Variants in WWOX observed in about 807,000 individuals in gnomAD.
WWOX encodes the protein WW domain containing oxidoreductase, also known as WW domain-containing oxidoreductase.
Under a neutral mutation model 46.2 loss-of-function variants are expected in WWOX, and 69 were observed. That is an observed-to-expected ratio of 1.49 (90% CI 1.23 to 1.82). The LOEUF (loss-of-function observed/expected upper bound fraction) is 1.82, where lower values mean the gene tolerates loss of function less well. Ranked by LOEUF, WWOX falls within the 40% of genes most tolerant of loss-of-function variation. The pLI, the probability that WWOX is intolerant of heterozygous loss-of-function variation, is 0.00. For missense variants in WWOX, 919 were observed against 542.6 expected (o/e 1.69, Z -6.89); for synonymous variants, 359 against 202.6 (o/e 1.77, Z -6.56).
intron 8 of WWOX, among the ~76,000 whole-genome samples, chr16:78,627,643 G>A (rs1351891327): frequency 6.6e-6 from 1 of 152,210 alleles, no homozygotes; most frequent in East Asian, 1.9e-4. Flanking sequence ...GAATGAATGT[G>A]GACTGGGGAG....
intron 8 of WWOX, among the ~76,000 whole-genome samples, chr16:78,777,333 A>C (rs2050216210): frequency 6.6e-6 from 1 of 152,180 alleles, no homozygotes; most frequent in African/African-American, 2.4e-5. Flanking sequence ...GTTGTCCAGG[A>C]CAGTGGCCCC....
At chr16:78,113,598 G>T (rs1402596025) in intron 3 of WWOX, among the ~76,000 whole-genome samples, 2 of 152,108 alleles carry the variant, frequency 1.3e-5, no homozygotes, top group Non-Finnish European at 1.5e-5. Context: ...CTGTTGCAGT[G>T]GGGTGCTGGT....
rs1597193685 is a variant in WWOX at position 78,413,321 on chromosome 16, A to T, written c.606-11549A>T. Among the ~76,000 whole-genome samples, 4 of 152,316 alleles carry T rather than the reference A, an allele frequency of 2.6e-5. No homozygotes were observed. In the South Asian group the frequency reaches 8.3e-4, roughly 32 times the overall value. ...CCACCAAACAGGGTTTGTGTGAACAACAAGGCTGTTTATTTCACCTGGGTG... is the reference window on the plus strand; with the variant it reads ...CCACCAAACAGGGTTTGTGTGAACATCAAGGCTGTTTATTTCACCTGGGTG... On this transcript the variant is annotated intron_variant, in intron 6 of 8. Transcript: ENST00000566780.
rs535392503 is a variant in WWOX, at chr16:78,722,645, G to A, written c.1056+289893G>A. ...AGGTATAATGGAAAGACTAACAAGA[G>A]TAGAAGAGGGATGTAACTGGAGCAT... On this transcript the variant is annotated intron_variant, in intron 8 of 8. Coordinates refer to ENST00000566780, the MANE Select transcript of WWOX (RefSeq NM_016373.4). Among the ~76,000 whole-genome samples the A allele has an allele frequency of 2.9e-3, 435 of 150,822 alleles. 2 individuals carry two copies. The highest frequency in any genetic ancestry group is 0.01 in the African/African-American group (418 of 41,144).
chr16:79,031,863 GATAGATATCTAT>G, intron 8 of WWOX, among the ~76,000 whole-genome samples: 1 of 132,702 alleles, frequency 7.5e-6, no homozygotes, highest in Admixed American at 7.8e-5. Context: ...TATATATATA[GATAGATATCTAT>G]ATACAGATAT....
chr16:78,486,225 G>C (rs932244878), intron 8 of WWOX, among the ~76,000 whole-genome samples: 3 of 152,150 alleles, frequency 2.0e-5, no homozygotes, highest in South Asian at 2.1e-4. Flanking sequence ...CTGATTTCAA[G>C]TTGCAGCTTG....
chr16:78,901,875 C>G (rs1288693257), intron 8 of WWOX, among the ~76,000 whole-genome samples: 1 of 152,352 alleles, frequency 6.6e-6, no homozygotes, highest in Middle Eastern at 3.4e-3. Flanking sequence ...TCACACGGGC[C>G]TCTCCTACAA....
chr16:78,227,001 A>C (rs1271722208), intron 5 of WWOX, among the ~76,000 whole-genome samples: 1 of 152,214 alleles, frequency 6.6e-6, no homozygotes, highest in Non-Finnish European at 1.5e-5. Context: ...GATTTCTGTT[A>C]CCATTGGCAT....
At chr16:78,818,923 C>T (rs942502485) in intron 8 of WWOX, among the ~76,000 whole-genome samples, 2 of 152,156 alleles carry the variant, frequency 1.3e-5, no homozygotes, top group Non-Finnish European at 2.9e-5. Context: ...AGTCAGGAAA[C>T]CTAGACTTGC....
intron 8 of WWOX, among the ~76,000 whole-genome samples, chr16:79,024,690 C>T (rs1457079298): frequency 2.0e-5 from 3 of 152,132 alleles, no homozygotes; most frequent in Non-Finnish European, 2.9e-5. Flanking sequence ...CCACCTCGGC[C>T]TCCCAAAGTG....
chr16:78,873,748 C>T (rs1051480207), intron 8 of WWOX, among the ~76,000 whole-genome samples: 1 of 152,056 alleles, frequency 6.6e-6, no homozygotes, highest in Non-Finnish European at 1.5e-5. Context: ...GTTATTGTAC[C>T]ACTGTACTCC....
At chr16:78,314,976 G>T (rs751822856) in intron 5 of WWOX, among the ~76,000 whole-genome samples, 2 of 152,114 alleles carry the variant, frequency 1.3e-5, no homozygotes, top group Admixed American at 1.3e-4. Flanking sequence ...CTTCGTAAAA[G>T]AAGAACTTCT....
chr16:79,166,577 G>T (rs963210181), intron 8 of WWOX, among the ~76,000 whole-genome samples: 6 of 152,082 alleles, frequency 3.9e-5, no homozygotes, highest in South Asian at 2.1e-4. Flanking sequence ...CAATTGAATT[G>T]ACTATGTCAG....
intron 8 of WWOX, among the ~76,000 whole-genome samples, chr16:79,001,856 G>C (rs527990394): frequency 7.4e-4 from 112 of 152,218 alleles, no homozygotes; most frequent in Non-Finnish European, 1.5e-3. Context: ...TGTCGCTTTA[G>C]AAAAAGTTAC....
intron 5 of WWOX, among the ~76,000 whole-genome samples, chr16:78,192,581 C>G (rs560207502): frequency 6.6e-6 from 1 of 151,680 alleles, no homozygotes; most frequent in East Asian, 1.9e-4. Context: ...ATATGTGGCA[C>G]ACATTATAGT....
intron 8 of WWOX, among the ~76,000 whole-genome samples, chr16:78,906,564 A>G (rs2044970466): frequency 6.6e-6 from 1 of 152,174 alleles, no homozygotes; most frequent in African/African-American, 2.4e-5. Context: ...GAACTGCATA[A>G]ATATACATCT....
At chr16:78,956,664 C>T (rs777449020) in intron 8 of WWOX, among the ~76,000 whole-genome samples, 8 of 152,030 alleles carry the variant, frequency 5.3e-5, no homozygotes, top group Non-Finnish European at 8.8e-5. Flanking sequence ...CCTAAAATAC[C>T]TCTGTTTTCA....
chr16:78,640,117 G>A (rs998215750), intron 8 of WWOX, among the ~76,000 whole-genome samples: 1 of 151,186 alleles, frequency 6.6e-6, no homozygotes, highest in African/African-American at 2.4e-5. Flanking sequence ...GTATTGAGAA[G>A]AAATGGATCT....
At chr16:78,538,349 C>G (rs997640270) in intron 8 of WWOX, among the ~76,000 whole-genome samples, 6 of 151,566 alleles carry the variant, frequency 4.0e-5, no homozygotes, top group African/African-American at 1.2e-4. Context: ...TGCCAGCGCT[C>G]TATACATTGA....
Sources: allele counts gnomAD v4.1 joint callset (sites outside exome capture counted in the v4.1 genomes callset), GRCh38; gene constraint gnomAD v4.1.1; transcripts MANE v1.5; gene names NCBI Gene and HGNC (gene_info 2026-07-23, HGNC 2026-07-21).